The following TUSC3 variants were observed in gnomAD, a reference collection of about 807,000 sequenced individuals.
TUSC3 encodes dolichyl-diphosphooligosaccharide--protein glycosyltransferase subunit TUSC3.
TUSC3 carries 45 observed loss-of-function variants against 44.8 expected under a neutral mutation model. The observed-to-expected ratio is 1.00, with a 90% CI of 0.79 to 1.29. TUSC3 has a LOEUF of 1.29. Among genes scored for constraint, TUSC3 ranks in the 50% most tolerant of loss-of-function variants. The pLI is 0.00. For missense variants in TUSC3, 519 were observed against 437.9 expected (o/e 1.19, Z -1.65); for synonymous variants, 212 against 152.9 (o/e 1.39, Z -2.85).
chr8:15,526,827 A>T (rs1012293114), intron 2 of TUSC3, among the ~76,000 whole-genome samples: 3 of 152,164 alleles, frequency 2.0e-5, no homozygotes, highest in Admixed American at 2.0e-4. Context: ...CTCAGTGTTG[A>T]GGGAGACTAG....
At chr8:15,665,958 C>T (rs1807639848) in intron 5 of TUSC3, among the ~76,000 whole-genome samples, 1 of 151,344 alleles carries the variant, frequency 6.6e-6, no homozygotes, top group African/African-American at 2.4e-5. Context: ...ACCCCCTAAA[C>T]ACGGAGGATG....
intron 2 of TUSC3, among the ~76,000 whole-genome samples, chr8:15,626,218 T>C (rs1805503117): frequency 6.6e-6 from 1 of 152,146 alleles, no homozygotes; most frequent in South Asian, 2.1e-4. Context: ...ACCCTGTCCC[T>C]GGTCACTGCT....
intron 6 of TUSC3, among the ~76,000 whole-genome samples, chr8:15,709,059 G>A (rs1340217143): frequency 6.6e-6 from 1 of 151,800 alleles, no homozygotes; most frequent in Admixed American, 6.6e-5. Flanking sequence ...CATTAAGCTT[G>A]GAAGGCAGAT....
intron 6 of TUSC3, among the ~76,000 whole-genome samples, chr8:15,675,940 G>C (rs1220568132): frequency 6.6e-6 from 1 of 152,028 alleles, no homozygotes; most frequent in Non-Finnish European, 1.5e-5. Context: ...ATTTTCCTTT[G>C]GGTATATACC....
the TUSC3 span, among the ~76,000 whole-genome samples, chr8:15,819,720 A>T: frequency 6.6e-6 from 1 of 152,226 alleles, no homozygotes; most frequent in Non-Finnish European, 1.5e-5. Flanking sequence ...GTAATGTTAC[A>T]ATATCTCTTG....
chr8:15,495,551 C>G (rs2129126312), intron 2 of TUSC3, among the ~76,000 whole-genome samples: 1 of 152,256 alleles, frequency 6.6e-6, no homozygotes, highest in Non-Finnish European at 1.5e-5. Context: ...GTATTAGTGA[C>G]TACTCATATT....
chr8:15,573,229 T>TAA (rs1181441987), intron 1 of TUSC3, among the ~76,000 whole-genome samples: 1 of 124,106 alleles, frequency 8.1e-6, no homozygotes, highest in Non-Finnish European at 1.7e-5. Context: ...TATATATATA[T>TAA]AAAAGTTTTT....
intron 1 of TUSC3, among the ~76,000 whole-genome samples, chr8:15,474,209 C>G (rs770574351): frequency 1.3e-5 from 2 of 152,162 alleles, no homozygotes; most frequent in South Asian, 2.1e-4. Context: ...GTTGTCTTCC[C>G]TTGTTCCCTG....
chr8:15,761,290 C>T (rs1426750646), intron 10 of TUSC3, among the ~76,000 whole-genome samples: 1 of 152,118 alleles, frequency 6.6e-6, no homozygotes, highest in East Asian at 1.9e-4. Context: ...AGAGAGCCAG[C>T]CTTAAGGAGA....
At chr8:15,517,794 C>A (rs1323087992) in intron 2 of TUSC3, among the ~76,000 whole-genome samples, 3 of 151,926 alleles carry the variant, frequency 2.0e-5, no homozygotes, top group Non-Finnish European at 4.4e-5. Flanking sequence ...CAAGTTTCTA[C>A]CAATGTTATC....
chr8:15,453,878 A>G (rs1800223440), intron 1 of TUSC3, among the ~76,000 whole-genome samples: 2 of 152,136 alleles, frequency 1.3e-5, no homozygotes, highest in South Asian at 4.2e-4. Flanking sequence ...CAGTCTCTCT[A>G]TAGATAGAAA....
intron 1 of TUSC3, among the ~76,000 whole-genome samples, chr8:15,598,081 TAA>T (rs1804142261): frequency 6.6e-6 from 1 of 152,020 alleles, no homozygotes; most frequent in African/African-American, 2.4e-5. Context: ...GTTATTTCTT[TAA>T]GAGTTTCCAG....
chr8:15,841,865 A>T, the TUSC3 span, among the ~76,000 whole-genome samples: 1 of 152,178 alleles, frequency 6.6e-6, no homozygotes, highest in South Asian at 2.1e-4. Flanking sequence ...CTTTCACTCC[A>T]TTTAGAATGA....
the TUSC3 span, among the ~76,000 whole-genome samples, chr8:15,843,985 T>C: frequency 6.6e-6 from 1 of 152,098 alleles, no homozygotes; most frequent in Admixed American, 6.6e-5. Context: ...AAAATCTAAT[T>C]TCTACCAAAT....
Position 15,460,714 on chromosome 8 carries a change from G to C in TUSC3, n.92-22672G>C, listed in dbSNP as rs375632991. 5.3e-5 allele frequency among the ~76,000 whole-genome samples: 8 copies of C among 152,266 alleles called. No individual in the cohort carries two copies. The South Asian group carries it at 8.3e-4, about 16-fold the overall frequency. On this transcript the variant is annotated intron_variant and non_coding_transcript_variant, in intron 1 of 5. Coordinates refer to the TUSC3 transcript ENST00000503191. ...TTGAGTTGATTTTTGTGTAAGATGA[G>C]AGATGAGGATCCAGTTTCATTCTCC...
intron 6 of TUSC3, among the ~76,000 whole-genome samples, chr8:15,719,478 TTATAG>T (rs1049978936): frequency 6.7e-6 from 1 of 149,602 alleles, no homozygotes; most frequent in Non-Finnish European, 1.5e-5. Flanking sequence ...CACTTTGCAC[TTATAG>T]TATACAGTTC....
the TUSC3 span, among the ~76,000 whole-genome samples, chr8:15,829,554 CA>C: frequency 6.6e-6 from 1 of 151,632 alleles, no homozygotes; most frequent in Non-Finnish European, 1.5e-5. Flanking sequence ...AGGTCTCTCT[CA>C]ATTTTCCATT....
At chr8:15,603,920 G>C (rs1049883075) in intron 1 of TUSC3, among the ~76,000 whole-genome samples, 2 of 151,466 alleles carry the variant, frequency 1.3e-5, no homozygotes, top group African/African-American at 4.8e-5. Flanking sequence ...GCCAGTTTAA[G>C]AACCCTTTTA....
chr8:15,769,147 G>A (rs1812399122), downstream of TUSC3, among the ~76,000 whole-genome samples: 1 of 152,096 alleles, frequency 6.6e-6, no homozygotes. Context: ...GAACAAAGCT[G>A]AAGGCATCAC....
Sources: allele counts gnomAD v4.1 joint callset (sites outside exome capture counted in the v4.1 genomes callset), GRCh38; gene constraint gnomAD v4.1.1; transcripts MANE v1.5; gene names NCBI Gene and HGNC (gene_info 2026-07-23, HGNC 2026-07-21).